The following GRM8 variants were observed in gnomAD, a reference collection of about 807,000 sequenced individuals.
The protein encoded by GRM8 is glutamate metabotropic receptor 8, also known as metabotropic glutamate receptor 8.
GRM8 carries 47 observed loss-of-function variants against 87.2 expected under a neutral mutation model. That is an observed-to-expected ratio of 0.54 (90% CI 0.43 to 0.69). The LOEUF is 0.69. GRM8 is among the 30% of genes least tolerant of loss of function. The pLI is 0.00. For missense variants in GRM8, 1,019 were observed against 1,139.2 expected, an observed-to-expected ratio of 0.89 and a Z score of 1.52; for synonymous variants, 396 against 404.5, an observed-to-expected ratio of 0.98 and a Z score of 0.25.
chr7:126,903,108 A>T (rs1254256607), intron 5 of GRM8, among the ~76,000 whole-genome samples: 1 of 152,182 alleles, frequency 6.6e-6, no homozygotes, highest in Non-Finnish European at 1.5e-5. Flanking sequence ...CATACTTCAA[A>T]ATTTCTCCTT....
chr7:127,168,483 C>A (rs550243823), intron 2 of GRM8, among the ~76,000 whole-genome samples: 18 of 152,140 alleles, frequency 1.2e-4, no homozygotes, highest in African/African-American at 4.3e-4. Context: ...ACCATTTGAC[C>A]CAGCAATCCC....
chr7:126,695,518 T>C (rs994292246), intron 7 of GRM8, among the ~76,000 whole-genome samples: 3 of 151,998 alleles, frequency 2.0e-5, no homozygotes, highest in African/African-American at 7.3e-5. Flanking sequence ...GAATTGAGTT[T>C]TACAGGAAGA....
At chr7:126,983,215 G>C (rs1397058376) in intron 3 of GRM8, among the ~76,000 whole-genome samples, 1 of 152,056 alleles carries the variant, frequency 6.6e-6, no homozygotes, top group African/African-American at 2.4e-5. Flanking sequence ...TAATATTGTG[G>C]GAACAGGAAG....
chr7:127,037,516 A>T (rs1325550809), intron 3 of GRM8, among the ~76,000 whole-genome samples: 1 of 152,080 alleles, frequency 6.6e-6, no homozygotes, highest in African/African-American at 2.4e-5. Context: ...CCCCCACTTT[A>T]TGCCACAACT....
chr7:127,057,124 G>C (rs6958658), intron 3 of GRM8, among the ~76,000 whole-genome samples: 12,141 of 152,134 alleles, frequency 0.08, 527 homozygotes, highest in South Asian at 0.13. Flanking sequence ...GAAACATACA[G>C]CTTTATATCC....
chr7:127,098,763 A>G (rs963001337), intron 3 of GRM8, among the ~76,000 whole-genome samples: 2 of 152,220 alleles, frequency 1.3e-5, no homozygotes, highest in Non-Finnish European at 2.9e-5. Context: ...AGCTTCCAGC[A>G]TTTGCAAATT....
At chr7:126,542,145 C>A (rs574311208) in intron 8 of GRM8, among the ~76,000 whole-genome samples, 2 of 152,112 alleles carry the variant, frequency 1.3e-5, no homozygotes, top group African/African-American at 4.8e-5. Context: ...TTCTGGCCTC[C>A]AGAACTATGA....
At chr7:127,127,210 G>A (rs1230302572) in intron 2 of GRM8, among the ~76,000 whole-genome samples, 2 of 151,892 alleles carry the variant, frequency 1.3e-5, no homozygotes, top group Admixed American at 6.6e-5. Flanking sequence ...ACTCACATAT[G>A]TACATATGTA....
At chr7:127,162,073 T>C (rs1159492903) in intron 2 of GRM8, among the ~76,000 whole-genome samples, 1 of 152,218 alleles carries the variant, frequency 6.6e-6, no homozygotes. Context: ...ATGGGTCCTT[T>C]AACTCTTCTG....
At chr7:126,988,524 G>A (rs1320946269) in intron 3 of GRM8, among the ~76,000 whole-genome samples, 3 of 152,190 alleles carry the variant, frequency 2.0e-5, no homozygotes, top group Non-Finnish European at 2.9e-5. Flanking sequence ...GCATTTGCTT[G>A]TAAAATTATT....
chr7:126,579,765 G>A (rs1261421469), intron 8 of GRM8, among the ~76,000 whole-genome samples: 1 of 152,058 alleles, frequency 6.6e-6, no homozygotes, highest in East Asian at 1.9e-4. Flanking sequence ...ATTCACCTAT[G>A]CAAAATTGTG....
chr7:126,578,295 G>C (rs969197646), intron 8 of GRM8, among the ~76,000 whole-genome samples: 6 of 152,094 alleles, frequency 3.9e-5, no homozygotes, highest in African/African-American at 1.4e-4. Flanking sequence ...TGTCCTCTCT[G>C]GATACAGCTG....
chr7:126,538,307 A>G (rs17682143), intron 8 of GRM8, among the ~76,000 whole-genome samples: 53,263 of 152,002 alleles, frequency 0.35, 9,641 homozygotes, highest in South Asian at 0.42. Context: ...AACTCTTTAA[A>G]AAGAATATAA....
chr7:126,781,820 A>T (rs1266521044), intron 6 of GRM8, among the ~76,000 whole-genome samples: 1 of 152,100 alleles, frequency 6.6e-6, no homozygotes, highest in African/African-American at 2.4e-5. Flanking sequence ...GGCTCAGGAC[A>T]TCATCCTATT....
At chr7:126,974,513 C>T (rs1339401569) in intron 3 of GRM8, among the ~76,000 whole-genome samples, 1 of 152,030 alleles carries the variant, frequency 6.6e-6, no homozygotes, top group Non-Finnish European at 1.5e-5. Context: ...TAAAGCACAT[C>T]CAGATTTCAA....
chr7:126,767,341 TG>T (rs1302684164), intron 7 of GRM8, among the ~76,000 whole-genome samples: 1 of 152,126 alleles, frequency 6.6e-6, no homozygotes, highest in Non-Finnish European at 1.5e-5. Flanking sequence ...TAACTTTGAT[TG>T]TGGGTACAAA....
At chr7:126,882,740 T>C (rs1374668238) in intron 6 of GRM8, among the ~76,000 whole-genome samples, 3 of 151,836 alleles carry the variant, frequency 2.0e-5, no homozygotes, top group Non-Finnish European at 4.4e-5. Context: ...ATCTCTACAA[T>C]AGGAGAGCCT....
At chr7:127,018,320 G>A (rs772261298) in intron 3 of GRM8, among the ~76,000 whole-genome samples, 1 of 151,466 alleles carries the variant, frequency 6.6e-6, no homozygotes, top group Non-Finnish European at 1.5e-5. Context: ...GATCACCAAA[G>A]TCAGAGGGAG....
intron 3 of GRM8, among the ~76,000 whole-genome samples, chr7:127,011,614 T>A (rs1814907597): frequency 6.6e-6 from 1 of 152,186 alleles, no homozygotes; most frequent in African/African-American, 2.4e-5. Flanking sequence ...TTTTAAAATA[T>A]GAAAATAGAT....
Sources: allele counts gnomAD v4.1 joint callset (sites outside exome capture counted in the v4.1 genomes callset), GRCh38; gene constraint gnomAD v4.1.1; transcripts MANE v1.5; gene names NCBI Gene and HGNC (gene_info 2026-07-23, HGNC 2026-07-21).